Variants in SLC6A7 observed in about 807,000 individuals in gnomAD.
The protein encoded by SLC6A7 is sodium-dependent proline transporter.
In SLC6A7, 58 loss-of-function variants were observed where a neutral mutation model predicts 73.1. The observed-to-expected ratio is 0.79, with a 90% CI of 0.64 to 0.99. SLC6A7 has a LOEUF of 0.99. Among genes scored for constraint, SLC6A7 ranks in the 50% least tolerant of loss-of-function variants. SLC6A7 has a pLI of 0.00. For synonymous variants in SLC6A7, 338 were observed against 338.7 expected, an observed-to-expected ratio of 1.00 and a Z score of 0.02; for missense variants, 783 against 831.4, an observed-to-expected ratio of 0.94 and a Z score of 0.72.
rs1339807012 is a variant in SLC6A7 at position 150,209,707 on chromosome 5, G to A, written c.*92G>A. Reference sequence around the variant, plus strand: ...GGTCAGCTGTGCCCTCTGGGATTCTGAGAGGCTATGGGGGGGCCTGCCATA... The same window carrying A: ...GGTCAGCTGTGCCCTCTGGGATTCTAAGAGGCTATGGGGGGGCCTGCCATA... On this transcript the variant is annotated 3_prime_UTR_variant, in exon 14 of 14. Coordinates refer to ENST00000230671, the MANE Select transcript of SLC6A7 (RefSeq NM_014228.5). 4 of 1,065,250 alleles carry A rather than the reference G, an allele frequency of 3.8e-6. No individual in the cohort carries two copies. In the African/African-American group the frequency reaches 6.3e-5, roughly 17 times the overall value. The allele number at this position is 1,065,250 out of a possible 1,614,324, so 66.0% of individuals were successfully genotyped here. A position where few individuals can be genotyped will look rare whatever the true frequency, so the allele number is the denominator to read the frequency against.
intron 1 of SLC6A7, among the ~76,000 whole-genome samples, chr5:150,193,676 T>A (rs1256499556): frequency 6.6e-6 from 1 of 152,186 alleles, no homozygotes; most frequent in Non-Finnish European, 1.5e-5. Flanking sequence ...AGTCCTCTCC[T>A]TTCTATGCTG....
chr5:150,196,580 G>C, intron 2 of SLC6A7, 136 bp from the exon 3 acceptor site: 2 of 849,336 alleles, frequency 2.4e-6, no homozygotes, highest in East Asian at 2.5e-5. Context: ...CAGCAGTCTG[G>C]TATAGAAGAA....
rs377348266 is a variant in SLC6A7 at position 150,194,895 on chromosome 5, G to A, written c.201G>A (p.Ala67=). The A allele has an allele frequency of 5.9e-5, 96 of 1,613,916 alleles. No individual in the cohort carries two copies. In the African/African-American group the frequency reaches 8.4e-4, roughly 14 times the overall value. The change falls in exon 2 of 14, where the codon GCG becomes GCA. Residue 67 remains alanine, a synonymous_variant. Transcript: ENST00000230671. ...LGNVWRFPYR[A]YTNGGGAFLV... ...ATGTCTGGCGCTTCCCCTATCGAGC[G>A]TACACCAATGGAGGAGGTATGGGCC...
chr5:150,200,988 T>TA, intron 5 of SLC6A7, 101 bp from the exon 6 acceptor site: 1 of 1,298,418 alleles, frequency 7.7e-7, no homozygotes, highest in South Asian at 1.2e-5. Context: ...TGGCTTGGGC[T>TA]ACCCAAAGGC....
In SLC6A7 at chr5:150,194,889, T is replaced by C; in HGVS notation, c.195T>C (p.Tyr65=). ...VGLGNVWRFP[Y]RAYTNGGGAF... is the part of the protein sequence containing the mutation. ...TGGGGAATGTCTGGCGCTTCCCCTATCGAGCGTACACCAATGGAGGAGGTA... is the reference window on the plus strand; with the variant it reads ...TGGGGAATGTCTGGCGCTTCCCCTACCGAGCGTACACCAATGGAGGAGGTA... The change falls in exon 2 of 14, where the codon TAT becomes TAC. Residue 65 remains tyrosine, a synonymous_variant. Coordinates refer to ENST00000230671, the MANE Select transcript of SLC6A7 (RefSeq NM_014228.5). 6.2e-7 allele frequency: 1 copy of C among 1,614,112 alleles called. No individual in the cohort carries two copies. Among genetic ancestry groups the C allele is most frequent in the Non-Finnish European group, 8.5e-7 (1 of 1,179,978 alleles).
intron 1 of SLC6A7, among the ~76,000 whole-genome samples, chr5:150,193,353 C>G (rs1349312096): frequency 6.6e-6 from 1 of 152,222 alleles, no homozygotes; most frequent in Non-Finnish European, 1.5e-5. Context: ...CATGCATCTC[C>G]TCTCCAGGGA....
At chr5:150,200,350 G>A (rs563730413) in intron 5 of SLC6A7, among the ~76,000 whole-genome samples, 13 of 152,208 alleles carry the variant, frequency 8.5e-5, no homozygotes, top group East Asian at 5.8e-4. Flanking sequence ...AAAATTAGCC[G>A]GGCATGATGG....
At position 150,209,568 on chromosome 5, in the gene SLC6A7, A is replaced by G. The variant is rs895234117; in HGVS notation, c.1864A>G (p.Ile622Val). ...CATCACCAGCTTCGAGAACACGGCCATCGAGGTGGACCGTGAGATTGCAGA... is the reference window on the plus strand; with the variant it reads ...CATCACCAGCTTCGAGAACACGGCCGTCGAGGTGGACCGTGAGATTGCAGA... ...GGITSFENTAIEVDREIAEEE... is the reference protein window; with the variant it reads ...GGITSFENTAVEVDREIAEEE... Residue 622 changes from isoleucine to valine, a missense_variant, in exon 14 of 14, where the codon ATC becomes GTC. Coordinates refer to ENST00000230671, the MANE Select transcript of SLC6A7 (RefSeq NM_014228.5). 1 of 1,613,602 alleles carries G rather than the reference A, an allele frequency of 6.2e-7. No homozygotes were observed. The highest frequency in any genetic ancestry group is 8.5e-7 in the Non-Finnish European group (1 of 1,179,818).
chr5:150,197,635 A>T (rs1753104149), intron 4 of SLC6A7, among the ~76,000 whole-genome samples: 1 of 152,132 alleles, frequency 6.6e-6, no homozygotes, highest in Non-Finnish European at 1.5e-5. Context: ...GATAACAGTA[A>T]TAGTAACATT....
intron 4 of SLC6A7, among the ~76,000 whole-genome samples, chr5:150,198,641 C>A (rs1438482343): frequency 6.6e-6 from 1 of 152,106 alleles, no homozygotes; most frequent in Non-Finnish European, 1.5e-5. Flanking sequence ...AGTGAAGGGA[C>A]TTTTCAGAGG....
At position 150,206,477 on chromosome 5, in the gene SLC6A7, C is replaced by T. The variant is rs1043355143; in HGVS notation, c.1701+854C>T. 3.9e-5 allele frequency among the ~76,000 whole-genome samples: 6 copies of T among 152,298 alleles called. No individual in the cohort carries two copies. The East Asian group carries it at 1.2e-3, about 29-fold the overall frequency. Reference sequence around the variant, plus strand: ...TACACCACAGAAAATGGCTACAAAGCGGGCCTCCCTTGCACCCCACCCCAC... The same window carrying T: ...TACACCACAGAAAATGGCTACAAAGTGGGCCTCCCTTGCACCCCACCCCAC... On this transcript the variant is annotated intron_variant, in intron 13 of 13. Coordinates refer to ENST00000230671, the MANE Select transcript of SLC6A7 (RefSeq NM_014228.5).
At chr5:150,208,348 C>T (rs1188732171) in intron 13 of SLC6A7, among the ~76,000 whole-genome samples, 1 of 152,130 alleles carries the variant, frequency 6.6e-6, no homozygotes, top group East Asian at 1.9e-4. Context: ...AAAGGCAACA[C>T]GTGCAAAGGC....
At chr5:150,197,004 C>T (rs1466297533) in intron 3 of SLC6A7, 38 bp from the exon 4 acceptor site, 5 of 1,589,908 alleles carry the variant, frequency 3.1e-6, no homozygotes, top group Non-Finnish European at 3.4e-6. Flanking sequence ...TGGCAGAGAG[C>T]TTGGCCTGGG....
chr5:150,203,820 GGTGTGTGTGTGTGTGTGTGTGTGT>G, intron 9 of SLC6A7, 41 bp downstream of exon 9: 2 of 801,380 alleles, frequency 2.5e-6, no homozygotes, highest in Non-Finnish European at 4.0e-6. Flanking sequence ...GTGTGTGTGT[GGTGTGTGTGTGTGTGTGTGTGTGT>G]GTGTGTGTGT....
chr5:150,194,991 T>C lies in SLC6A7; in HGVS notation c.217+80T>C, dbSNP rs1419948221. ...GGGTACAGTGAGCTTTTAGGTGGCC[T>C]CAGCCACTGTCTCCTAGGCGACCTT... On this transcript the variant is annotated intron_variant, in intron 2 of 13. Coordinates refer to ENST00000230671, the MANE Select transcript of SLC6A7 (RefSeq NM_014228.5). The C allele has an allele frequency of 3.2e-6, 4 of 1,258,782 alleles. No homozygotes were observed. The African/African-American group carries it at 5.9e-5, about 19-fold the overall frequency. The allele number at this position is 1,258,782 out of a possible 1,614,324, so 78.0% of individuals were successfully genotyped here.
rs535739282 is a variant in SLC6A7 at position 150,190,165 on chromosome 5, G to T, written c.-163G>T. The T allele has an allele frequency of 1.1e-5, 6 of 529,998 alleles. No individual in the cohort carries two copies. The highest frequency in any genetic ancestry group is 1.6e-5 in the Non-Finnish European group (5 of 314,466). 32.8% of individuals were successfully genotyped at this position (529,998 alleles called of 1,614,324 possible). On this transcript the variant is annotated 5_prime_UTR_variant, in exon 1 of 14. Transcript: ENST00000230671. ...AAGGCATTCGCAGCGCCCTGCCCGCGCTCCACGCCCGCAGCCGCCAGACGG... is the reference window on the plus strand; with the variant it reads ...AAGGCATTCGCAGCGCCCTGCCCGCTCTCCACGCCCGCAGCCGCCAGACGG...
chr5:150,194,343 TG>T (rs1052107143), intron 1 of SLC6A7, among the ~76,000 whole-genome samples: 3 of 151,542 alleles, frequency 2.0e-5, no homozygotes, highest in African/African-American at 7.3e-5. Flanking sequence ...ACGGGAGAAT[TG>T]CTTGAACCCG....
intron 8 of SLC6A7, among the ~76,000 whole-genome samples, chr5:150,203,423 T>G (rs1378440774): frequency 6.6e-6 from 1 of 152,208 alleles, no homozygotes; most frequent in African/African-American, 2.4e-5. Flanking sequence ...CATAAGTATA[T>G]TTCAATGAGG....
rs1291818480 is a variant in SLC6A7 at position 150,199,147 on chromosome 5, G to T, written c.585-81G>T. ...AAGTGGAGAACAGCAGTAGAGCCTT[G>T]TGGGCTGGACATGGCTTGACTCCAT... On this transcript the variant is annotated intron_variant, in intron 4 of 13. Transcript: ENST00000230671. The T allele has an allele frequency of 4.7e-6, 7 of 1,483,820 alleles. No homozygotes were observed. The African/African-American group carries it at 8.4e-5, about 18-fold the overall frequency. The allele number at this position is 1,483,820 out of a possible 1,614,324, so 91.9% of individuals were successfully genotyped here.
Sources: allele counts gnomAD v4.1 joint callset (sites outside exome capture counted in the v4.1 genomes callset), GRCh38; gene constraint gnomAD v4.1.1; transcripts MANE v1.5; gene names NCBI Gene and HGNC (gene_info 2026-07-23, HGNC 2026-07-21).